The following STMND1 variants were observed in gnomAD, a reference collection of about 807,000 sequenced individuals.
STMND1 encodes the protein stathmin domain-containing protein 1.
STMND1 carries 17 observed loss-of-function variants against 23.0 expected under a neutral mutation model. That is an observed-to-expected ratio of 0.74 (90% CI 0.51 to 1.11). The LOEUF (loss-of-function observed/expected upper bound fraction) is 1.11, where lower values mean the gene tolerates loss of function less well. STMND1 is among the 50% of genes least tolerant of loss of function. STMND1 has a pLI of 0.00. For synonymous variants in STMND1, 114 were observed against 119.9 expected (o/e 0.95, Z 0.32); for missense variants, 305 against 329.1 (o/e 0.93, Z 0.57).
At chr6:17,104,486 C>T (rs1441673477) in intron 1 of STMND1, among the ~76,000 whole-genome samples, 1 of 152,150 alleles carries the variant, frequency 6.6e-6, no homozygotes, top group Non-Finnish European at 1.5e-5. Flanking sequence ...CCTCTCCAAG[C>T]GTCAAATACA....
At chr6:17,118,158 A>G (rs1397449078) in intron 2 of STMND1, among the ~76,000 whole-genome samples, 1 of 145,892 alleles carries the variant, frequency 6.9e-6, no homozygotes, top group Non-Finnish European at 1.5e-5. Flanking sequence ...CACAGTTAGA[A>G]AGTCTTTCCC....
chr6:17,128,098 T>A (rs1761333622), intron 3 of STMND1: 1 of 152,248 alleles, frequency 6.6e-6, no homozygotes, highest in South Asian at 2.1e-4. Context: ...TTATATTTTT[T>A]ATAATCAATC....
chr6:17,102,728 A>G (rs548089462), intron 1 of STMND1, among the ~76,000 whole-genome samples: 1 of 152,264 alleles, frequency 6.6e-6, no homozygotes, highest in East Asian at 1.9e-4. Context: ...GGAAGGTTAG[A>G]GTCCGTAGGA....
chr6:17,127,084 T>A (rs555672251), intron 3 of STMND1, among the ~76,000 whole-genome samples: 1 of 152,370 alleles, frequency 6.6e-6, no homozygotes, highest in South Asian at 2.1e-4. Context: ...TGAGTTTGTG[T>A]TCTGCCTTTG....
chr6:17,121,061 G>C (rs1761227255), intron 3 of STMND1, among the ~76,000 whole-genome samples: 1 of 152,142 alleles, frequency 6.6e-6, no homozygotes, highest in Admixed American at 6.5e-5. Context: ...TAGTGAGTGA[G>C]TCTCACAAAA....
Position 17,114,983 on chromosome 6 carries a change from A to G in STMND1, c.103A>G (p.Thr35Ala). The G allele has an allele frequency of 3.3e-6, 5 of 1,531,316 alleles. No individual in the cohort carries two copies. Among genetic ancestry groups the G allele is most frequent in the Non-Finnish European group, 4.4e-6 (5 of 1,145,490 alleles). 94.9% of individuals were successfully genotyped at this position (1,531,316 alleles called of 1,614,324 possible). The change falls in exon 2 of 5, where the codon ACT becomes GCT. Residue 35 changes from threonine (T) to alanine (A), a missense_variant. By Grantham distance (58) the Thr-to-Ala change is moderately conservative. Coordinates refer to ENST00000536551, the MANE Select transcript of STMND1 (RefSeq NM_001190766.2). ...ACAGGCTGATGTCAGTGTGCCTCATACTGGGGAAAATTGCAGCCCCCGGAT... is the reference window on the plus strand; with the variant it reads ...ACAGGCTGATGTCAGTGTGCCTCATGCTGGGGAAAATTGCAGCCCCCGGAT... ...EFKADVSVPH[T>A]GENCSPRMEA...
chr6:17,116,773 A>G (rs1000977998), intron 2 of STMND1, among the ~76,000 whole-genome samples: 6 of 152,156 alleles, frequency 3.9e-5, no homozygotes, highest in Non-Finnish European at 8.8e-5. Context: ...GTTTCACACT[A>G]ACATTCCCCA....
chr6:17,110,098 C>T (rs566407667), intron 1 of STMND1, among the ~76,000 whole-genome samples: 1 of 152,336 alleles, frequency 6.6e-6, no homozygotes, highest in South Asian at 2.1e-4. Context: ...CCTAGAATGT[C>T]CTTTTCTCCT....
At chr6:17,119,427 G>C (rs1368177748) in intron 2 of STMND1, among the ~76,000 whole-genome samples, 1 of 152,182 alleles carries the variant, frequency 6.6e-6, no homozygotes, top group Non-Finnish European at 1.5e-5. Flanking sequence ...ATTTTCACCA[G>C]GCAAGGTGGC....
chr6:17,128,944 C>A, intron 3 of STMND1, 168 bp from the exon 4 acceptor site: 1 of 524,242 alleles, frequency 1.9e-6, no homozygotes, highest in Non-Finnish European at 3.2e-6. Flanking sequence ...AACTCCGGAG[C>A]TCAAGCAGTC....
chr6:17,119,070 T>G (rs1761195285), intron 2 of STMND1, among the ~76,000 whole-genome samples: 1 of 152,172 alleles, frequency 6.6e-6, no homozygotes, highest in Non-Finnish European at 1.5e-5. Context: ...TCTGACCTTT[T>G]CATTGAAATC....
intron 3 of STMND1, chr6:17,128,399 C>T (rs906124545): frequency 1.3e-5 from 2 of 152,188 alleles, no homozygotes; most frequent in African/African-American, 2.4e-5. Flanking sequence ...AATCTCTATC[C>T]CAGATGAAAG....
intron 1 of STMND1, among the ~76,000 whole-genome samples, chr6:17,110,344 C>T (rs1761080577): frequency 6.6e-6 from 1 of 152,058 alleles, no homozygotes; most frequent in South Asian, 2.1e-4. Flanking sequence ...AGCCCCTGCT[C>T]CCCAGCCTGG....
At chr6:17,114,396 C>T (rs1761131430) in intron 1 of STMND1, among the ~76,000 whole-genome samples, 1 of 151,970 alleles carries the variant, frequency 6.6e-6, no homozygotes, top group Non-Finnish European at 1.5e-5. Flanking sequence ...TCCCGAGTAG[C>T]TCAGATTACA....
At chr6:17,110,693 G>A (rs746132958) in intron 1 of STMND1, 32 of 393,250 alleles carry the variant, frequency 8.1e-5, no homozygotes, top group African/African-American at 4.8e-4. Context: ...ACTTGAACCC[G>A]AGAGGCAGAG....
At chr6:17,130,343 T>G (rs966884549) in intron 4 of STMND1, among the ~76,000 whole-genome samples, 17 of 152,156 alleles carry the variant, frequency 1.1e-4, no homozygotes, top group African/African-American at 4.1e-4. Context: ...AGACCCAGCC[T>G]TCACAGCTGG....
chr6:17,103,022 C>T (rs1415819067), intron 1 of STMND1, among the ~76,000 whole-genome samples: 2 of 152,100 alleles, frequency 1.3e-5, no homozygotes, highest in Admixed American at 6.5e-5. Context: ...TTTTCCAGAG[C>T]GAGACCTAGA....
chr6:17,127,547 C>T (rs1294086123), intron 3 of STMND1, among the ~76,000 whole-genome samples: 8 of 152,098 alleles, frequency 5.3e-5, no homozygotes, highest in Admixed American at 5.2e-4. Context: ...AAGACTAGGT[C>T]TCAACAAAAA....
In STMND1 at chr6:17,115,043, G is replaced by T. The variant is rs530146608; in HGVS notation, c.163G>T (p.Ala55Ser). 5 of 1,535,960 alleles carry T rather than the reference G, an allele frequency of 3.3e-6. No homozygotes were observed. In the Admixed American group the frequency reaches 9.8e-5, roughly 30 times the overall value. Reference protein sequence around the residue: ...AALTKNTVDIAEGLEQVQMGS... With the variant: ...AALTKNTVDISEGLEQVQMGS... ...TCTGACCAAGAATACTGTGGACATTGCAGAAGGCCTGGAACAAGTCCAGAT... is the reference window on the plus strand; with the variant it reads ...TCTGACCAAGAATACTGTGGACATTTCAGAAGGCCTGGAACAAGTCCAGAT... Residue 55 changes from alanine (A) to serine (S), a missense_variant, in exon 2 of 5, where the codon GCA becomes TCA. Coordinates refer to ENST00000536551, the MANE Select transcript of STMND1 (RefSeq NM_001190766.2).
Sources: allele counts gnomAD v4.1 joint callset (sites outside exome capture counted in the v4.1 genomes callset), GRCh38; gene constraint gnomAD v4.1.1; transcripts MANE v1.5; gene names NCBI Gene and HGNC (gene_info 2026-07-23, HGNC 2026-07-21).